EGFR: variants seen among roughly 807,000 people sequenced by gnomAD.
EGFR encodes the protein avian erythroblastic leukemia viral (v-erb-b) oncogene homolog.
A neutral mutation model predicts 143.0 loss-of-function variants in EGFR; 58 were observed. That is an observed-to-expected ratio of 0.41 (90% CI 0.33 to 0.50). The LOEUF is 0.50. Ranked by LOEUF, EGFR falls within the 20% of genes least tolerant of loss-of-function variation. EGFR has a pLI of 0.39. For missense variants in EGFR, 1,307 were observed against 1,579.0 expected (o/e 0.83, Z 2.92); for synonymous variants, 613 against 594.4 (o/e 1.03, Z -0.45).
At chr7:55,145,116 C>T (rs1225529682) in intron 3 of EGFR, among the ~76,000 whole-genome samples, 1 of 152,168 alleles carries the variant, frequency 6.6e-6, no homozygotes, top group African/African-American at 2.4e-5. Context: ...CTCCTGCAGC[C>T]TCCCTCACGT....
intron 1 of EGFR, among the ~76,000 whole-genome samples, chr7:55,073,840 C>A (rs1424289545): frequency 6.6e-6 from 1 of 152,210 alleles, no homozygotes; most frequent in South Asian, 2.1e-4. Flanking sequence ...CAAGCCTTCT[C>A]AACATATATT....
chr7:55,114,825 G>T (rs1252882444), intron 1 of EGFR, among the ~76,000 whole-genome samples: 1 of 150,760 alleles, frequency 6.6e-6, no homozygotes, highest in African/African-American at 2.4e-5. Context: ...CAGCTTTTGA[G>T]AGAAGGACAT....
intron 1 of EGFR, among the ~76,000 whole-genome samples, chr7:55,075,624 G>A (rs1202666026): frequency 6.6e-6 from 1 of 152,066 alleles, no homozygotes; most frequent in Non-Finnish European, 1.5e-5. Flanking sequence ...CCCAAAGCTC[G>A]AGTTCCTGTA....
chr7:55,209,289 A>G lies in EGFR; in HGVS notation c.*3672A>G, dbSNP rs1300754297. Reference sequence around the variant, plus strand: ...GTCAGAGTAGAATAAAAGGCTGGGTAGGGTAGAGATTCCCATGTGCAGTGG... The same window carrying G: ...GTCAGAGTAGAATAAAAGGCTGGGTGGGGTAGAGATTCCCATGTGCAGTGG... On this transcript the variant is annotated 3_prime_UTR_variant, in exon 28 of 28. Coordinates refer to ENST00000275493, the MANE Select transcript of EGFR (RefSeq NM_005228.5). 6.6e-6 allele frequency: 1 copy of G among 152,204 alleles called. No homozygotes were observed. The highest frequency in any genetic ancestry group is 2.4e-5 in the African/African-American group (1 of 41,432). 9.4% of individuals were successfully genotyped at this position (152,204 alleles called of 1,614,324 possible).
At chr7:55,123,009 T>G (rs1793301817) in intron 1 of EGFR, among the ~76,000 whole-genome samples, 1 of 152,250 alleles carries the variant, frequency 6.6e-6, no homozygotes, top group Non-Finnish European at 1.5e-5. Context: ...AAAGATCTCA[T>G]CAAAATAATT....
chr7:55,193,139 G>C (rs118180370), intron 22 of EGFR, among the ~76,000 whole-genome samples: 5 of 152,028 alleles, frequency 3.3e-5, no homozygotes, highest in African/African-American at 1.2e-4. Context: ...AAACTTTAAC[G>C]TTAACCAAAC....
chr7:55,195,656 T>G (rs998539728), intron 22 of EGFR, among the ~76,000 whole-genome samples: 5 of 152,144 alleles, frequency 3.3e-5, no homozygotes, highest in African/African-American at 1.2e-4. Flanking sequence ...TTTTTCCTGA[T>G]CCTCTCCCTC....
intron 27 of EGFR, 182 bp downstream of exon 27, chr7:55,202,807 A>G (rs1405718055): frequency 1.4e-6 from 1 of 714,784 alleles, no homozygotes; most frequent in Non-Finnish European, 2.5e-6. Context: ...AGCCTGCACA[A>G]GCTCTTTGTT....
intron 1 of EGFR, among the ~76,000 whole-genome samples, chr7:55,073,485 C>T (rs145254890): frequency 6.6e-6 from 1 of 152,290 alleles, no homozygotes; most frequent in African/African-American, 2.4e-5. Context: ...AATACAGACA[C>T]GTTACCAGAA....
Position 55,202,642 on chromosome 7 carries a change from G to A in EGFR, c.3271+17G>A, listed in dbSNP as rs1787901475. 1.9e-6 allele frequency: 3 copies of A among 1,600,612 alleles called. No individual in the cohort carries two copies. The highest frequency in any genetic ancestry group is 1.7e-4 in the Middle Eastern group (1 of 6,050). On this transcript the variant is annotated intron_variant, in intron 27 of 27. Transcript: ENST00000275493. Reference sequence around the variant, plus strand: ...CAGTGCCTGGTGAGTGGCTTGTCTGGAAACAGTCCTGCTCCTCAACCTCCT... The same window carrying A: ...CAGTGCCTGGTGAGTGGCTTGTCTGAAAACAGTCCTGCTCCTCAACCTCCT...
At position 55,033,852 on chromosome 7, in the gene EGFR, T is replaced by G. The variant is rs1187674699; in HGVS notation, c.88+14487T>G. ...CTTTCCCTCAAGAGTGTTGCTTTTT[T>G]GTTTCCTGCATAGTCCTGGGCCAGT... is the stretch of plus-strand genomic sequence containing the variant. On this transcript the variant is annotated intron_variant, in intron 1 of 27. Coordinates refer to ENST00000275493, the MANE Select transcript of EGFR (RefSeq NM_005228.5). 3.3e-5 allele frequency among the ~76,000 whole-genome samples: 5 copies of G among 152,238 alleles called. No homozygotes were observed. In the East Asian group the frequency reaches 7.7e-4, roughly 23 times the overall value.
intron 1 of EGFR, among the ~76,000 whole-genome samples, chr7:55,058,268 C>T (rs1398038489): frequency 4.3e-4 from 65 of 152,214 alleles, no homozygotes; most frequent in Non-Finnish European, 4.4e-5. Context: ...GTGGCAGGCA[C>T]CTGTAATCCC....
chr7:55,151,823 G>A (rs1785171402), intron 5 of EGFR, among the ~76,000 whole-genome samples: 3 of 152,288 alleles, frequency 2.0e-5, no homozygotes, highest in South Asian at 4.1e-4. Flanking sequence ...GCAGTGAGCC[G>A]AGATTGTGCC....
intron 1 of EGFR, among the ~76,000 whole-genome samples, chr7:55,115,002 C>T (rs1490749232): frequency 2.0e-5 from 3 of 151,864 alleles, no homozygotes; most frequent in African/African-American, 7.3e-5. Flanking sequence ...CTGCCTCAGC[C>T]TCCTGAGTAG....
intron 19 of EGFR, 142 bp downstream of exon 19, chr7:55,174,962 C>T: frequency 1.4e-6 from 1 of 718,918 alleles, no homozygotes; most frequent in Non-Finnish European, 2.5e-6. Flanking sequence ...CCCTTTCTAG[C>T]TCTAGTGGGT....
chr7:55,132,500 T>C (rs1486530332), intron 1 of EGFR, among the ~76,000 whole-genome samples: 2 of 152,242 alleles, frequency 1.3e-5, no homozygotes, highest in Non-Finnish European at 2.9e-5. Context: ...TTTTTAGTGG[T>C]AAATGGTGGG....
rs189229924 is a variant in EGFR at position 55,129,250 on chromosome 7, G to A, written c.89-13036G>A. Among the ~76,000 whole-genome samples the A allele has an allele frequency of 2.0e-5, 3 of 152,330 alleles. No individual in the cohort carries two copies. The East Asian group carries it at 5.8e-4, about 29-fold the overall frequency. Reference sequence around the variant, plus strand: ...GCAGAGGATGTAGTTGTGTGGAGAGGCCACACACGTGGAATTCCCAGGAGG... The same window carrying A: ...GCAGAGGATGTAGTTGTGTGGAGAGACCACACACGTGGAATTCCCAGGAGG... On this transcript the variant is annotated intron_variant, in intron 1 of 27. Transcript: ENST00000275493.
rs1360581410 is a variant in EGFR, at chr7:55,209,416, C to T, written c.*3799C>T. 6.6e-6 allele frequency: 1 copy of T among 152,160 alleles called. No individual in the cohort carries two copies. Among genetic ancestry groups the T allele is most frequent in the East Asian group, 1.9e-4 (1 of 5,194 alleles). 9.4% of individuals were successfully genotyped at this position (152,160 alleles called of 1,614,324 possible). On this transcript the variant is annotated 3_prime_UTR_variant, in exon 28 of 28. Coordinates refer to ENST00000275493, the MANE Select transcript of EGFR (RefSeq NM_005228.5). ...TTCAGCTGGAAAGGGGCAAATACCC[C>T]CACCTGAGCTTTGAAAACGCCCTGG...
intron 4 of EGFR, among the ~76,000 whole-genome samples, chr7:55,147,177 T>TCA (rs1028957607): frequency 3.3e-5 from 5 of 152,078 alleles, no homozygotes; most frequent in Admixed American, 1.3e-4. Context: ...CCACATGGAG[T>TCA]CACACACACA....
Sources: gnomAD v4.1 joint callset for allele counts (sites outside exome capture counted in the v4.1 genomes callset) on GRCh38, gnomAD v4.1.1 for gene constraint, MANE v1.5 for transcripts, NCBI Gene and HGNC (gene_info 2026-07-23, HGNC 2026-07-21) for gene names.